The following NSD1 variants were observed in gnomAD, a reference collection of about 807,000 sequenced individuals.
NSD1 encodes nuclear receptor binding SET domain protein 1.
NSD1 carries 26 observed loss-of-function variants against 242.7 expected under a neutral mutation model. That is an observed-to-expected ratio of 0.11 (90% CI 0.08 to 0.15). NSD1 has a LOEUF of 0.15. Among genes scored for constraint, NSD1 ranks in the 10% least tolerant of loss-of-function variants. The probability of loss-of-function intolerance (pLI) is 1.00; values close to 1 mark genes in which losing one functional copy is unlikely to be tolerated. For synonymous variants in NSD1, 1,106 were observed against 1,178.1 expected (o/e 0.94, Z 1.25); for missense variants, 2,495 against 3,272.8 (o/e 0.76, Z 5.80).
intron 8 of NSD1, 74 bp downstream of exon 8, chr5:177,239,939 G>A: frequency 2.2e-6 from 2 of 916,998 alleles, no homozygotes; most frequent in Non-Finnish European, 1.8e-6. Flanking sequence ...ATTTTGAGTA[G>A]CAGTTATAAC....
Position 177,210,708 on chromosome 5 carries a change from G to T in NSD1, c.2309G>T (p.Gly770Val), listed in dbSNP as rs375566261. ...SISSENSLIK[G>V]GAANQALLHS... Reference sequence around the variant, plus strand: ...TCCAGTGAGAACTCGTTAATAAAGGGTGGGGCAGCAAATCAAGCTCTATTA... The same window carrying T: ...TCCAGTGAGAACTCGTTAATAAAGGTTGGGGCAGCAAATCAAGCTCTATTA... Residue 770 changes from glycine (G) to valine (V), a missense_variant, in exon 5 of 23, where the codon GGT (glycine) becomes GTT (valine). Transcript: ENST00000439151. 1 of 1,614,180 alleles carries T rather than the reference G, an allele frequency of 6.2e-7. No individual in the cohort carries two copies. Among genetic ancestry groups the T allele is most frequent in the East Asian group, 2.2e-5 (1 of 44,882 alleles).
At chr5:177,235,595 T>C (rs893261372) in intron 5 of NSD1, among the ~76,000 whole-genome samples, 5 of 152,182 alleles carry the variant, frequency 3.3e-5, no homozygotes, top group Non-Finnish European at 5.9e-5. Context: ...ACATATATTC[T>C]ATTATTTGTG....
At chr5:177,222,901 TTGTTGG>T (rs1764348585) in intron 5 of NSD1, among the ~76,000 whole-genome samples, 1 of 152,142 alleles carries the variant, frequency 6.6e-6, no homozygotes, top group Non-Finnish European at 1.5e-5. Flanking sequence ...TTGTTTGCTA[TTGTTGG>T]TGTATGTTAG....
intron 10 of NSD1, among the ~76,000 whole-genome samples, chr5:177,247,297 G>A (rs1766376978): frequency 6.6e-6 from 1 of 152,136 alleles, no homozygotes; most frequent in Non-Finnish European, 1.5e-5. Flanking sequence ...GAGTGTGGTG[G>A]CATGCGCCTA....
upstream of NSD1, among the ~76,000 whole-genome samples, chr5:177,132,037 C>T (rs1755920938): frequency 2.6e-5 from 4 of 152,336 alleles, no homozygotes; most frequent in South Asian, 8.3e-4. The surrounding 1 kb of genome is among the most constrained non-coding windows in gnomAD (Gnocchi z 7.5). Flanking sequence ...CTTGGGCTCC[C>T]TGTCCCGCCC....
Position 177,297,640 on chromosome 5 carries a change from A to G in NSD1, c.*2181A>G. On this transcript the variant is annotated 3_prime_UTR_variant, in exon 23 of 23. Transcript: ENST00000439151. ...TTAAATTACCGTAGCTCTTTGTTTC[A>G]TGAAATAAACTGTGAATTTGGGGGG... 8.4e-6 allele frequency: 1 copy of G among 119,452 alleles called. No homozygotes were observed. Among genetic ancestry groups the G allele is most frequent in the Non-Finnish European group, 1.6e-5 (1 of 64,094 alleles). 7.4% of individuals were successfully genotyped at this position (119,452 alleles called of 1,614,324 possible). A position where few individuals can be genotyped will look rare whatever the true frequency, so the allele number is the denominator to read the frequency against.
In NSD1 at chr5:177,296,801, A is replaced by G. The variant is rs1036518651; in HGVS notation, c.*1342A>G. The G allele has an allele frequency of 4.3e-6, 1 of 233,214 alleles. No individual in the cohort carries two copies. Among genetic ancestry groups the G allele is most frequent in the African/African-American group, 2.2e-5 (1 of 45,350 alleles). 14.4% of individuals were successfully genotyped at this position (233,214 alleles called of 1,614,324 possible). A position where few individuals can be genotyped will look rare whatever the true frequency, so the allele number is the denominator to read the frequency against. ...TGCTACCCTGCCCTACCATTCACCC[A>G]GCTCACAGACTGCCAACAGGAAGTG... On this transcript the variant is annotated 3_prime_UTR_variant, in exon 23 of 23. Coordinates refer to ENST00000439151, the MANE Select transcript of NSD1 (RefSeq NM_022455.5).
chr5:177,223,397 A>T (rs1764393291), intron 5 of NSD1, among the ~76,000 whole-genome samples: 1 of 151,718 alleles, frequency 6.6e-6, no homozygotes. Flanking sequence ...ACGTGGTGAA[A>T]CCCCATCTCT....
chr5:177,255,574 G>GT (rs1023621968), intron 12 of NSD1, among the ~76,000 whole-genome samples: 59 of 151,852 alleles, frequency 3.9e-4, no homozygotes, highest in African/African-American at 1.3e-3. Flanking sequence ...GTTTTGTTTT[G>GT]TTTTTTTGTT....
intron 3 of NSD1, among the ~76,000 whole-genome samples, chr5:177,202,293 A>G (rs1214688477): frequency 6.6e-6 from 1 of 152,014 alleles, no homozygotes; most frequent in Non-Finnish European, 1.5e-5. Context: ...GTAATCATTT[A>G]TATATGACTT....
chr5:177,226,317 G>A (rs1264823019), intron 5 of NSD1, among the ~76,000 whole-genome samples: 4 of 152,138 alleles, frequency 2.6e-5, no homozygotes, highest in Admixed American at 2.0e-4. Context: ...TTACATGCGT[G>A]AGCCACCGGG....
intron 3 of NSD1, among the ~76,000 whole-genome samples, chr5:177,200,609 T>G (rs899730894): frequency 3.9e-5 from 6 of 152,208 alleles, no homozygotes; most frequent in Admixed American, 1.3e-4. Flanking sequence ...TTTTTTTTCC[T>G]TATAAATTTG....
At chr5:177,264,054 T>TTTTTTTTG in intron 14 of NSD1, among the ~76,000 whole-genome samples, 1 of 119,570 alleles carries the variant, frequency 8.4e-6, no homozygotes. Context: ...TTTTTTTTTT[T>TTTTTTTTG]GAGATGGAGT....
At chr5:177,179,581 A>G (rs561937760) in intron 2 of NSD1, among the ~76,000 whole-genome samples, 15 of 152,336 alleles carry the variant, frequency 9.8e-5, no homozygotes, top group South Asian at 2.1e-4. Context: ...TAAAACATAG[A>G]AAAAAAGATG....
chr5:177,154,481 G>C (rs1375116228), intron 2 of NSD1, among the ~76,000 whole-genome samples: 2 of 152,114 alleles, frequency 1.3e-5, no homozygotes, highest in Non-Finnish European at 2.9e-5. Flanking sequence ...GTTTTGAATA[G>C]ATATATGATT....
In NSD1 at chr5:177,272,385, G is replaced by A. The variant is rs183929512; in HGVS notation, c.5510-1287G>A. 3.3e-5 allele frequency among the ~76,000 whole-genome samples: 5 copies of A among 152,108 alleles called. No individual in the cohort carries two copies. In the East Asian group the frequency reaches 9.7e-4, roughly 29 times the overall value. On this transcript the variant is annotated intron_variant, in intron 16 of 22. Transcript: ENST00000439151. ...GAACACATACAAACTCTGGTAGATG[G>A]CTACAAGGAAATGAAGAAAAAAGGA...
At chr5:177,166,331 T>G (rs1434537312) in intron 2 of NSD1, among the ~76,000 whole-genome samples, 1 of 152,040 alleles carries the variant, frequency 6.6e-6, no homozygotes, top group African/African-American at 2.4e-5. Context: ...GCGGATCTCT[T>G]GAGCTCAGGA....
At chr5:177,181,129 C>T (rs182506240) in intron 2 of NSD1, among the ~76,000 whole-genome samples, 28 of 150,282 alleles carry the variant, frequency 1.9e-4, no homozygotes, top group Middle Eastern at 3.5e-3. Context: ...AACTCCGCCT[C>T]CCAGGTTCTC....
intron 2 of NSD1, among the ~76,000 whole-genome samples, chr5:177,158,297 CTTTCTTTTCTTTCTTTT>C (rs1171961981): frequency 4.9e-4 from 51 of 104,082 alleles, no homozygotes; most frequent in African/African-American, 2.3e-3. Flanking sequence ...TTCTTTCTTT[CTTTCTTTTCTTTCTTTT>C]CTTTCTTTTC....
Sources: allele counts gnomAD v4.1 joint callset (sites outside exome capture counted in the v4.1 genomes callset), GRCh38; gene constraint gnomAD v4.1.1; non-coding constraint Gnocchi (gnomAD v3.1); transcripts MANE v1.5; gene names NCBI Gene and HGNC (gene_info 2026-07-23, HGNC 2026-07-21).